The following ASIC2 variants were observed in gnomAD, a reference collection of about 807,000 sequenced individuals.
The protein encoded by ASIC2 is acid sensing ion channel subunit 2, also known as acid-sensing ion channel 2.
A neutral mutation model predicts 57.3 loss-of-function variants in ASIC2; 25 were observed. The observed-to-expected ratio is 0.44, with a 90% CI of 0.32 to 0.61. The LOEUF (loss-of-function observed/expected upper bound fraction) is 0.61. Ranked by LOEUF, ASIC2 falls within the 20% of genes least tolerant of loss-of-function variation. ASIC2 has a pLI of 0.06. For missense variants in ASIC2, 641 were observed against 738.1 expected, an observed-to-expected ratio of 0.87 and a Z score of 1.52; for synonymous variants, 319 against 307.5, an observed-to-expected ratio of 1.04 and a Z score of -0.39.
At chr17:33,327,870 T>C (rs978886345) in intron 1 of ASIC2, among the ~76,000 whole-genome samples, 1 of 152,130 alleles carries the variant, frequency 6.6e-6, no homozygotes, top group Non-Finnish European at 1.5e-5. Flanking sequence ...TAATGGCTGG[T>C]ATTCTTATAA....
At chr17:34,061,660 T>A (rs1319456922) in intron 1 of ASIC2, among the ~76,000 whole-genome samples, 2 of 152,016 alleles carry the variant, frequency 1.3e-5, no homozygotes, top group Non-Finnish European at 2.9e-5. Flanking sequence ...CACATAAACT[T>A]AAAGTAAAGG....
intron 1 of ASIC2, among the ~76,000 whole-genome samples, chr17:34,116,089 T>C (rs1210643986): frequency 6.6e-6 from 1 of 152,164 alleles, no homozygotes; most frequent in Non-Finnish European, 1.5e-5. Flanking sequence ...TATAGACAAC[T>C]CTTGACAAAG....
At chr17:33,514,125 G>A (rs1914501413) in intron 1 of ASIC2, among the ~76,000 whole-genome samples, 2 of 152,164 alleles carry the variant, frequency 1.3e-5, no homozygotes, top group Admixed American at 1.3e-4. Context: ...GTACACAGCT[G>A]GGAACTGGAT....
intron 1 of ASIC2, among the ~76,000 whole-genome samples, chr17:33,338,539 C>A (rs1329149000): frequency 1.3e-5 from 2 of 152,118 alleles, no homozygotes; most frequent in African/African-American, 4.8e-5. Context: ...GAAAAAGGAA[C>A]AAGATGTGTG....
intron 1 of ASIC2, among the ~76,000 whole-genome samples, chr17:33,418,504 C>G (rs1194375390): frequency 1.3e-5 from 2 of 152,236 alleles, no homozygotes; most frequent in Admixed American, 1.3e-4. Context: ...GGTTTTAGGT[C>G]TTACGTTTAA....
chr17:33,283,027 G>A lies in ASIC2; in HGVS notation c.708+8381C>T, dbSNP rs114816516. On this transcript the variant is annotated intron_variant, in intron 1 of 9. Coordinates refer to ENST00000225823, the MANE Select transcript of ASIC2 (RefSeq NM_183377.2). The stretch of plus-strand genomic sequence containing the variant: ...GGGGCCATCATTCAGCCTACACATG[G>A]CCTTTGCACTTTGGTTTGACTGACA... 3.5e-3 allele frequency among the ~76,000 whole-genome samples: 526 copies of A among 152,316 alleles called. 2 individuals carry two copies. The highest frequency in any genetic ancestry group is 0.012 in the African/African-American group (486 of 41,566).
intron 1 of ASIC2, among the ~76,000 whole-genome samples, chr17:33,690,590 G>A (rs1313187927): frequency 6.6e-6 from 1 of 152,050 alleles, no homozygotes; most frequent in Non-Finnish European, 1.5e-5. Flanking sequence ...CCCAAGCCCA[G>A]AAACAATGCG....
chr17:33,869,332 T>C (rs1914328956), intron 1 of ASIC2, among the ~76,000 whole-genome samples: 3 of 152,156 alleles, frequency 2.0e-5, no homozygotes, highest in Admixed American at 6.5e-5. Flanking sequence ...ATGGCACAAG[T>C]GTTTAGAAAA....
At chr17:33,398,272 C>T (rs1272144164) in intron 1 of ASIC2, among the ~76,000 whole-genome samples, 3 of 152,000 alleles carry the variant, frequency 2.0e-5, no homozygotes, top group Non-Finnish European at 4.4e-5. Context: ...TAGAATGGGC[C>T]CCGGAATATA....
chr17:33,503,747 C>G (rs1257271256), intron 1 of ASIC2, among the ~76,000 whole-genome samples: 1 of 152,164 alleles, frequency 6.6e-6, no homozygotes, highest in Non-Finnish European at 1.5e-5. Flanking sequence ...GCTCTGCCAC[C>G]AAAGAACTCC....
At chr17:33,254,487 C>T (rs116300309) in intron 1 of ASIC2, among the ~76,000 whole-genome samples, 158 of 152,260 alleles carry the variant, frequency 1.0e-3, no homozygotes, top group African/African-American at 3.7e-3. Context: ...AGGCTAGCAC[C>T]GTCAAGCCTC....
At chr17:33,287,666 G>A (rs1597666996) in intron 1 of ASIC2, among the ~76,000 whole-genome samples, 1 of 152,124 alleles carries the variant, frequency 6.6e-6, no homozygotes, top group South Asian at 2.1e-4. Context: ...GGGCCTAGAG[G>A]ATAAGACCCA....
chr17:33,205,609 T>C (rs922515532), intron 1 of ASIC2, among the ~76,000 whole-genome samples: 55 of 152,316 alleles, frequency 3.6e-4, no homozygotes, highest in Non-Finnish European at 6.8e-4. Flanking sequence ...CTGAACATAC[T>C]TGGGGAAACG....
intron 1 of ASIC2, among the ~76,000 whole-genome samples, chr17:33,232,138 G>A (rs899721506): frequency 2.0e-5 from 3 of 152,122 alleles, no homozygotes; most frequent in African/African-American, 7.2e-5. Context: ...GGATAATTAA[G>A]TTTAGGTCAG....
At chr17:33,955,705 C>T (rs886512183) in intron 1 of ASIC2, among the ~76,000 whole-genome samples, 1 of 152,154 alleles carries the variant, frequency 6.6e-6, no homozygotes, top group Non-Finnish European at 1.5e-5. Context: ...CCAGCACTAG[C>T]CAATCAGCAT....
intron 1 of ASIC2, among the ~76,000 whole-genome samples, chr17:33,141,781 C>T (rs1025815010): frequency 2.0e-5 from 3 of 152,198 alleles, no homozygotes; most frequent in Non-Finnish European, 4.4e-5. Flanking sequence ...TTGACCTGAG[C>T]TTCTCCCAGC....
chr17:33,297,322 A>G (rs576640484), upstream of ASIC2, among the ~76,000 whole-genome samples: 1 of 151,512 alleles, frequency 6.6e-6, no homozygotes, highest in East Asian at 1.9e-4. Context: ...CAACCCTTTT[A>G]CTCTTGATCT....
intron 1 of ASIC2, among the ~76,000 whole-genome samples, chr17:33,312,885 G>A (rs1368003711): frequency 6.6e-6 from 1 of 152,206 alleles, no homozygotes; most frequent in Non-Finnish European, 1.5e-5. Flanking sequence ...GCAGTGAGCT[G>A]AGATTGCACC....
At chr17:33,932,575 T>C (rs368619850) in intron 1 of ASIC2, 9 of 151,186 alleles carry the variant, frequency 6.0e-5, no homozygotes, top group African/African-American at 1.9e-4. Flanking sequence ...TAGCCGAGCA[T>C]GGTGGCACAT....
Sources: allele counts gnomAD v4.1 joint callset (sites outside exome capture counted in the v4.1 genomes callset), GRCh38; gene constraint gnomAD v4.1.1; transcripts MANE v1.5; gene names NCBI Gene and HGNC (gene_info 2026-07-23, HGNC 2026-07-21).